MED24: variants seen among roughly 807,000 people sequenced by gnomAD.
MED24 encodes mediator complex subunit 24.
In MED24, 74 loss-of-function variants were observed where a neutral mutation model predicts 118.8. The observed-to-expected ratio is 0.62, with a 90% CI of 0.52 to 0.76. The LOEUF (loss-of-function observed/expected upper bound fraction) is 0.76. Among genes scored for constraint, MED24 ranks in the 30% least tolerant of loss-of-function variants. The pLI, the probability that MED24 is intolerant of heterozygous loss-of-function variation, is 0.00. For synonymous variants in MED24, 521 were observed against 523.9 expected (o/e 0.99, Z 0.08); for missense variants, 1,041 against 1,278.9 (o/e 0.81, Z 2.84).
In MED24 at chr17:40,022,440, C is replaced by T; in HGVS notation, c.2477G>A (p.Gly826Glu). ...CTTCTTCTGGCGGGTGGACGCCTGT[C>T]CCTTGTGGGAGGAGTAGGAACTGAG... ...CALSSYSSHK[G>E]QASTRQKKRH... The change falls in exon 22 of 26, where the codon GGA (glycine) becomes GAA (glutamate). Residue 826 changes from glycine (G) to glutamate (E), a missense_variant. By Grantham distance (98) the Gly-to-Glu change is moderately conservative (BLOSUM62 -2). Around this residue, in one of 3 missense-constraint regions of MED24, gnomAD observed 587 missense variants for 694.4 expected, o/e 0.85. Transcript: ENST00000394128. 1 of 1,610,726 alleles carries T rather than the reference C, an allele frequency of 6.2e-7. No homozygotes were observed. The highest frequency in any genetic ancestry group is 8.5e-7 in the Non-Finnish European group (1 of 1,178,752).
At position 40,019,889 on chromosome 17, in the gene MED24, C is replaced by T. The variant is rs779781361; in HGVS notation, c.2749G>A (p.Ala917Thr). 16 of 1,577,640 alleles carry T rather than the reference C, an allele frequency of 1.0e-5. No homozygotes were observed. Among genetic ancestry groups the T allele is most frequent in the East Asian group, 4.6e-5 (2 of 43,234 alleles). Residue 917 changes from alanine to threonine, a missense_variant, in exon 25 of 26, where the codon GCT becomes ACT. Physicochemically the swap from Ala to Thr is moderately conservative, Grantham distance 58. This residue lies in a region of MED24 where 587 missense variants were observed against 694.4 expected (regional missense o/e 0.85). Coordinates refer to ENST00000394128, the MANE Select transcript of MED24 (RefSeq NM_014815.4). ...TGCACGAACTGGGTGTGGGGGCCAG[C>T]GGTGCGAGACCCCAGGATGGAGGAG... ...LISSILGSRT[A>T]GPHTQFVQWF...
At chr17:40,023,748 C>G (rs1348013175) in intron 19 of MED24, 1 of 220,640 alleles carries the variant, frequency 4.5e-6, no homozygotes, top group African/African-American at 2.3e-5. Context: ...ACAATCACTT[C>G]CCCCTAGGCT....
Position 40,019,516 on chromosome 17 carries a change from C to T in MED24, c.*13G>A, listed in dbSNP as rs1223683984. On this transcript the variant is annotated 3_prime_UTR_variant, in exon 26 of 26. Coordinates refer to ENST00000394128, the MANE Select transcript of MED24 (RefSeq NM_014815.4). ...GCCAGTCCCCAGCCCCCACTGCGGCCATGCCAAGCCCCTCAGAGTGCAGCA... is the reference window on the plus strand; with the variant it reads ...GCCAGTCCCCAGCCCCCACTGCGGCTATGCCAAGCCCCTCAGAGTGCAGCA... The T allele has an allele frequency of 6.8e-6, 11 of 1,609,194 alleles. No homozygotes were observed. The highest frequency in any genetic ancestry group is 9.3e-6 in the Non-Finnish European group (11 of 1,178,140).
intron 24 of MED24, 170 bp from the exon 25 acceptor site, chr17:40,020,103 G>T: frequency 2.7e-6 from 2 of 745,220 alleles, no homozygotes; most frequent in Non-Finnish European, 2.2e-6. Context: ...GGGGAGGAGG[G>T]GGAACTAGAC....
intron 24 of MED24, 80 bp from the exon 25 acceptor site, chr17:40,020,013 G>A (rs1981761256): frequency 6.7e-7 from 1 of 1,481,498 alleles, no homozygotes. Context: ...AGGTGGGACT[G>A]AAAAGGGAAA....
rs1031430116 is a variant in MED24, at chr17:40,031,372, G to T, written c.1068-127C>A. 51 of 1,216,906 alleles carry T rather than the reference G, an allele frequency of 4.2e-5. No individual in the cohort carries two copies. The South Asian group carries it at 6.5e-4, about 16-fold the overall frequency. The allele number at this position is 1,216,906 out of a possible 1,614,324, so 75.4% of individuals were successfully genotyped here. On this transcript the variant is annotated intron_variant, in intron 11 of 25. Coordinates refer to ENST00000394128, the MANE Select transcript of MED24 (RefSeq NM_014815.4). ...GGAAAATCTGGAGTGCCTGAGGGAC[G>T]GTAGAGGGGCTCTGGGGACTTGGCA...
chr17:40,023,117 TCC>T lies in MED24; in HGVS notation c.2250+12_2250+13del, dbSNP rs1265486915. ...AGGACCCATGTCGGCCCACAGCCAC[TCC>T]AGCCCAAGTACCTTAATCAGGTTGT... On this transcript the variant is annotated intron_variant, in intron 20 of 25. Transcript: ENST00000394128. The T allele has an allele frequency of 6.2e-7, 1 of 1,607,694 alleles. No individual in the cohort carries two copies. The highest frequency in any genetic ancestry group is 2.2e-5 in the East Asian group (1 of 44,768).
chr17:40,043,898 A>AAAAAAAAAC (rs1984846383), intron 3 of MED24, among the ~76,000 whole-genome samples: 1 of 150,870 alleles, frequency 6.6e-6, no homozygotes, highest in Non-Finnish European at 1.5e-5. Flanking sequence ...CTCAAAAAAA[A>AAAAAAAAAC]AAAAAACAAA....
chr17:40,027,033 A>C lies in MED24; in HGVS notation c.1532T>G (p.Val511Gly). 6.2e-7 allele frequency: 1 copy of C among 1,613,726 alleles called. No individual in the cohort carries two copies. Among genetic ancestry groups the C allele is most frequent in the Non-Finnish European group, 8.5e-7 (1 of 1,179,920 alleles). Residue 511 changes from valine to glycine, a missense_variant and splice_region_variant, in exon 17 of 26, where the codon GTG (valine) becomes GGG (glycine). Val to Gly is a moderately radical substitution (Grantham distance 109). Transcript: ENST00000394128. Reference protein sequence around the residue: ...CHVAQTYGSEVILSESRTGAE... With the variant: ...CHVAQTYGSEGILSESRTGAE... The stretch of plus-strand genomic sequence containing the variant: ...TCCTGTGCGCGACTCGGACAGAATC[A>C]CCTGGGAAAGGGGAAGGGGGGCACC...
Position 40,027,474 on chromosome 17 carries a change from G to T in MED24, c.1448-9C>A, listed in dbSNP as rs1982811598. 3 of 1,607,094 alleles carry T rather than the reference G, an allele frequency of 1.9e-6. No homozygotes were observed. The African/African-American group carries it at 4.0e-5, about 21-fold the overall frequency. On this transcript the variant is annotated splice_polypyrimidine_tract_variant and intron_variant, in intron 15 of 25. Transcript: ENST00000394128. ...GACGGAGGCCGGTTTGGCTGTGGAAGGACGGGAAGGCTGAGCTCCCAGACG... is the reference window on the plus strand; with the variant it reads ...GACGGAGGCCGGTTTGGCTGTGGAATGACGGGAAGGCTGAGCTCCCAGACG...
chr17:40,036,146 G>A lies in MED24; in HGVS notation c.222C>T (p.Ser74=), dbSNP rs778201587. 3.7e-6 allele frequency: 6 copies of A among 1,611,594 alleles called. No homozygotes were observed. The South Asian group carries it at 5.5e-5, about 15-fold the overall frequency. The change falls in exon 4 of 26, where the codon TCC becomes TCT. Residue 74 remains serine, a synonymous_variant. Transcript: ENST00000394128. The part of the protein sequence containing the change: ...LKYAISSQMV[S]YSSVLTAISK... ...TGATGGCTGTGAGGACAGAAGAGTA[G>A]GACACCATCTGGAGAGAAGGAAGAA...
At chr17:40,032,204 ACCCTG>A in intron 9 of MED24, 114 bp from the exon 10 acceptor site, 2 of 1,245,114 alleles carry the variant, frequency 1.6e-6, no homozygotes, top group Non-Finnish European at 2.3e-6. Context: ...GAACACTCCT[ACCCTG>A]GGAGTGAGAG....
At chr17:40,035,488 T>C (rs912598839) in intron 5 of MED24, 139 bp from the exon 6 acceptor site, 5 of 1,042,354 alleles carry the variant, frequency 4.8e-6, no homozygotes, top group Non-Finnish European at 5.4e-6. Flanking sequence ...GGAAGATGCT[T>C]AGCCCCTTTG....
intron 23 of MED24, chr17:40,020,701 G>A: frequency 5.5e-6 from 2 of 364,052 alleles, no homozygotes; most frequent in Admixed American, 7.5e-5. Context: ...CAGACTGCTT[G>A]AGCCTAGGAG....
chr17:40,020,834 A>G (rs1439188092), intron 23 of MED24, among the ~76,000 whole-genome samples: 1 of 152,108 alleles, frequency 6.6e-6, no homozygotes, highest in African/African-American at 2.4e-5. Flanking sequence ...GCACTTTGGG[A>G]GGCCAAGGCG....
At chr17:40,035,084 G>A (rs1173578965) in intron 6 of MED24, 33 bp downstream of exon 6, 23 of 1,611,116 alleles carry the variant, frequency 1.4e-5, no homozygotes, top group African/African-American at 2.7e-5. Context: ...GGGAGCAGCG[G>A]CAGGTGGGGC....
chr17:40,023,326 G>C lies in MED24; in HGVS notation c.2055C>G (p.Ile685Met). 1.2e-6 allele frequency: 2 copies of C among 1,613,944 alleles called. No homozygotes were observed. The highest frequency in any genetic ancestry group is 1.7e-6 in the Non-Finnish European group (2 of 1,179,916). The change falls in exon 20 of 26, where the codon ATC becomes ATG. Residue 685 changes from isoleucine (I) to methionine (M), a missense_variant. Around this residue, in one of 3 missense-constraint regions of MED24, gnomAD observed 587 missense variants for 694.4 expected, o/e 0.85. Coordinates refer to ENST00000394128, the MANE Select transcript of MED24 (RefSeq NM_014815.4). Reference sequence around the variant, plus strand: ...TGTCCACCCCGGTGGAGGGAAACTTGATCTGCGTGGCTGTCTGCTGCAGCA... The same window carrying C: ...TGTCCACCCCGGTGGAGGGAAACTTCATCTGCGTGGCTGTCTGCTGCAGCA... ...ADVLQQTATQ[I>M]KFPSTGVDTM...
intron 3 of MED24, among the ~76,000 whole-genome samples, chr17:40,046,743 C>T (rs1985267178): frequency 6.9e-6 from 1 of 144,610 alleles, no homozygotes; most frequent in East Asian, 2.0e-4. Flanking sequence ...GAGACTCCGT[C>T]TCAAAAAAAA....
At chr17:40,039,862 C>G (rs548937379) in intron 3 of MED24, among the ~76,000 whole-genome samples, 1 of 150,494 alleles carries the variant, frequency 6.6e-6, no homozygotes, top group South Asian at 2.1e-4. Flanking sequence ...CAGCTCACTG[C>G]AAGCTCTGCC....
Sources: gnomAD v4.1 joint callset for allele counts (sites outside exome capture counted in the v4.1 genomes callset) on GRCh38, gnomAD v4.1.1 for gene constraint, gnomAD v4.1.1 regional missense constraint, MANE v1.5 for transcripts, NCBI Gene and HGNC (gene_info 2026-07-23, HGNC 2026-07-21) for gene names.